Variants in KIF26B observed in about 807,000 individuals in gnomAD.
KIF26B encodes the protein kinesin family member 26B, also known as kinesin-like protein KIF26B.
KIF26B carries 63 observed loss-of-function variants against 151.2 expected under a neutral mutation model. That is an observed-to-expected ratio of 0.42 (90% CI 0.34 to 0.51). The LOEUF is 0.51. Ranked by LOEUF, KIF26B falls within the 20% of genes least tolerant of loss-of-function variation. KIF26B has a pLI of 0.07. For missense variants in KIF26B, 2,813 were observed against 2,913.6 expected, an observed-to-expected ratio of 0.97 and a Z score of 0.79; for synonymous variants, 1,357 against 1,262.1, an observed-to-expected ratio of 1.08 and a Z score of -1.59.
At position 245,367,347 on chromosome 1, in the gene KIF26B, G is replaced by T; in HGVS notation, c.979G>T (p.Val327Phe). The T allele has an allele frequency of 6.3e-7, 1 of 1,591,960 alleles. No homozygotes were observed. The highest frequency in any genetic ancestry group is 8.6e-7 in the Non-Finnish European group (1 of 1,169,470). The change falls in exon 3 of 15, where the codon GTC (valine) becomes TTC (phenylalanine). Residue 327 changes from valine (V) to phenylalanine (F), a missense_variant. By Grantham distance (50) the Val-to-Phe change is conservative. Coordinates refer to ENST00000407071, the MANE Select transcript of KIF26B (RefSeq NM_018012.4). This position sits in a 1 kb window ranked among gnomAD's most constrained non-coding sequence, Gnocchi z 4.2. ...GTWSLSRTNG[V>F]TLYPYQISQL... The stretch of plus-strand genomic sequence containing the variant: ...CTGGTCCCTGTCGAGAACCAACGGG[G>T]TCACCCTGTACCCATACCAGGTAAG...
chr1:245,401,217 AAG>A (rs1257894483), intron 3 of KIF26B, among the ~76,000 whole-genome samples: 2 of 152,232 alleles, frequency 1.3e-5, no homozygotes, highest in African/African-American at 4.8e-5. Flanking sequence ...GAAGGGGCTA[AAG>A]AGGTGTGAAA....
At chr1:245,369,164 AGAGT>A (rs1177532308) in intron 3 of KIF26B, among the ~76,000 whole-genome samples, 1 of 132,704 alleles carries the variant, frequency 7.5e-6, no homozygotes, top group African/African-American at 3.6e-5. Context: ...GGAAAAAAGA[AGAGT>A]GAGAGAGAGA....
chr1:245,667,352 T>C lies in KIF26B; in HGVS notation c.2259-16881T>C, dbSNP rs2044229103. ...CACCATGCCCGGCTACTTTTTTAAA[T>C]ATTTTTAATAGAGATGGGGTTTCGC... On this transcript the variant is annotated intron_variant, in intron 10 of 14. Coordinates refer to ENST00000407071, the MANE Select transcript of KIF26B (RefSeq NM_018012.4). This position sits in a 1 kb window ranked among gnomAD's most constrained non-coding sequence, Gnocchi z 4.3. Among the ~76,000 whole-genome samples, 1 of 152,112 alleles carries C rather than the reference T, an allele frequency of 6.6e-6. No individual in the cohort carries two copies.
At chr1:245,219,321 G>A (rs997243138) in intron 2 of KIF26B, among the ~76,000 whole-genome samples, 19 of 151,606 alleles carry the variant, frequency 1.3e-4, no homozygotes, top group Non-Finnish European at 1.2e-4. Flanking sequence ...TAGTTTCACC[G>A]TGTTAGCCAG....
intron 2 of KIF26B, among the ~76,000 whole-genome samples, chr1:245,334,980 T>C (rs1297785657): frequency 6.6e-6 from 1 of 152,188 alleles, no homozygotes; most frequent in African/African-American, 2.4e-5. Context: ...GGGCGAGAAC[T>C]GGATGTAATC....
chr1:245,249,151 G>A (rs762881029), intron 2 of KIF26B, among the ~76,000 whole-genome samples: 7 of 152,084 alleles, frequency 4.6e-5, no homozygotes, highest in Admixed American at 1.3e-4. Context: ...TTGCTCTTTC[G>A]CCCAGGCTGG....
At chr1:245,238,468 A>C (rs1670154629) in intron 2 of KIF26B, among the ~76,000 whole-genome samples, 1 of 152,222 alleles carries the variant, frequency 6.6e-6, no homozygotes, top group South Asian at 2.1e-4. Flanking sequence ...ATCGTGTTGC[A>C]GATCAACCTA....
At position 245,594,510 on chromosome 1, in the gene KIF26B, C is replaced by G. The variant is rs191299388; in HGVS notation, c.1351-8067C>G. Among the ~76,000 whole-genome samples the G allele has an allele frequency of 1.9e-4, 29 of 152,244 alleles. No individual in the cohort carries two copies. In the East Asian group the frequency reaches 2.1e-3, roughly 11 times the overall value. Reference sequence around the variant, plus strand: ...TGGTGTTATTTCTGAGGCCTCTGTTCTGTTACATTTGTCTATATCTCTGTT... The same window carrying G: ...TGGTGTTATTTCTGAGGCCTCTGTTGTGTTACATTTGTCTATATCTCTGTT... On this transcript the variant is annotated intron_variant, in intron 5 of 14. Transcript: ENST00000407071.
At chr1:245,578,467 C>T (rs145490824) in intron 5 of KIF26B, among the ~76,000 whole-genome samples, 1 of 152,340 alleles carries the variant, frequency 6.6e-6, no homozygotes, top group East Asian at 1.9e-4. Context: ...CCCTTTAAGT[C>T]GGCTCACATT....
intron 4 of KIF26B, among the ~76,000 whole-genome samples, chr1:245,496,638 A>G (rs36058779): frequency 0.032 from 4,859 of 152,278 alleles, 130 homozygotes; most frequent in Non-Finnish European, 0.05. Context: ...AAGAGAACAT[A>G]AACTAGGTGG....
chr1:245,184,050 G>GTTTTGTTTTTTTTTTTTTT (rs1553332273), intron 2 of KIF26B, among the ~76,000 whole-genome samples: 9 of 19,800 alleles, frequency 4.5e-4, no homozygotes, highest in Non-Finnish European at 8.0e-4. Context: ...GGGAGTTGTT[G>GTTTTGTTTTTTTTTTTTTT]TTTTTTTTTT....
rs966905478 is a variant in KIF26B at position 245,702,677 on chromosome 1, C to G, written c.*71C>G. The G allele has an allele frequency of 1.3e-6, 2 of 1,507,530 alleles. No homozygotes were observed. Among genetic ancestry groups the G allele is most frequent in the Admixed American group, 1.9e-5 (1 of 53,672 alleles). 93.4% of individuals were successfully genotyped at this position (1,507,530 alleles called of 1,614,324 possible). On this transcript the variant is annotated 3_prime_UTR_variant, in exon 15 of 15. Transcript: ENST00000407071. This position sits in a 1 kb window ranked among gnomAD's most constrained non-coding sequence, Gnocchi z 4.1. The stretch of plus-strand genomic sequence containing the variant: ...CAGAGATGTTGCACGCCCCTAGGCC[C>G]TCTGTGCTGGGGCATCAAAGACAAT...
At chr1:245,247,867 T>G (rs779385079) in intron 2 of KIF26B, among the ~76,000 whole-genome samples, 2 of 152,278 alleles carry the variant, frequency 1.3e-5, no homozygotes, top group Non-Finnish European at 2.9e-5. Context: ...ATCCTGGCCA[T>G]TTTTTCTTTT....
At chr1:245,547,216 A>G (rs940922593) in intron 5 of KIF26B, among the ~76,000 whole-genome samples, 11 of 152,208 alleles carry the variant, frequency 7.2e-5, no homozygotes. Flanking sequence ...CCGTTCTTGC[A>G]AAGAGTGGGA....
intron 2 of KIF26B, among the ~76,000 whole-genome samples, chr1:245,200,169 A>T (rs1446055971): frequency 6.6e-6 from 1 of 152,194 alleles, no homozygotes; most frequent in Non-Finnish European, 1.5e-5. Flanking sequence ...AGGGGCGGTG[A>T]TATTCCCAAA....
rs1023406687 is a variant in KIF26B, at chr1:245,207,986, C to T, written c.465+51303C>T. Among the ~76,000 whole-genome samples, 8 of 152,176 alleles carry T rather than the reference C, an allele frequency of 5.3e-5. No homozygotes were observed. The South Asian group carries it at 1.0e-3, about 20-fold the overall frequency. On this transcript the variant is annotated intron_variant, in intron 2 of 14. Transcript: ENST00000407071. ...CTGCAAAACCATCTGGAAGCCCCCG[C>T]GGAGGTGGGCTGTGTGCCCGAGCCC... is the stretch of plus-strand genomic sequence containing the variant.
At chr1:245,316,561 C>T (rs537764343) in intron 2 of KIF26B, among the ~76,000 whole-genome samples, 1 of 151,590 alleles carries the variant, frequency 6.6e-6, no homozygotes, top group South Asian at 2.1e-4. Context: ...CATCATCGGC[C>T]TCTTTTATTT....
chr1:245,391,943 A>G lies in KIF26B; in HGVS notation c.999+24576A>G, dbSNP rs999560450. On this transcript the variant is annotated intron_variant, in intron 3 of 14. Coordinates refer to ENST00000407071, the MANE Select transcript of KIF26B (RefSeq NM_018012.4). ...AGGAGACCCTGGGAAAGAACTCTTCAGAAAGATGGAATGATTCTTATAACT... is the reference window on the plus strand; with the variant it reads ...AGGAGACCCTGGGAAAGAACTCTTCGGAAAGATGGAATGATTCTTATAACT... 2.6e-5 allele frequency among the ~76,000 whole-genome samples: 4 copies of G among 152,124 alleles called. No individual in the cohort carries two copies. In the South Asian group the frequency reaches 6.2e-4, roughly 24 times the overall value.
intron 9 of KIF26B, among the ~76,000 whole-genome samples, chr1:245,643,169 G>A (rs897841270): frequency 1.3e-5 from 2 of 152,080 alleles, no homozygotes; most frequent in African/African-American, 4.8e-5. Flanking sequence ...CCAATCTGAC[G>A]ATTTTTGCCT....
Sources: allele counts gnomAD v4.1 joint callset (sites outside exome capture counted in the v4.1 genomes callset), GRCh38; gene constraint gnomAD v4.1.1; non-coding constraint Gnocchi (gnomAD v3.1); transcripts MANE v1.5; gene names NCBI Gene and HGNC (gene_info 2026-07-23, HGNC 2026-07-21).